Variants in KIAA0232 observed in about 807,000 individuals in gnomAD.
The protein encoded by KIAA0232 is KIAA0232.
KIAA0232 carries 27 observed loss-of-function variants against 122.0 expected under a neutral mutation model. The observed-to-expected ratio is 0.22, with a 90% confidence interval of 0.16 to 0.31. The LOEUF (loss-of-function observed/expected upper bound fraction) is 0.31. KIAA0232 is among the 10% of genes least tolerant of loss of function. The pLI is 1.00. For synonymous variants in KIAA0232, 613 were observed against 587.6 expected, an observed-to-expected ratio of 1.04 and a Z score of -0.63; for missense variants, 1,551 against 1,634.2, an observed-to-expected ratio of 0.95 and a Z score of 0.88.
rs1560216786 is a variant in KIAA0232 at position 6,880,800 on chromosome 4, A to C, written c.4022A>C (p.Tyr1341Ser). 6 of 1,547,294 alleles carry C rather than the reference A, an allele frequency of 3.9e-6. No homozygotes were observed. Among genetic ancestry groups the C allele is most frequent in the Non-Finnish European group, 5.2e-6 (6 of 1,144,484 alleles). Reference sequence around the variant, plus strand: ...TTTTAATCTTAGGTGTCTTCTGTTTATGAAGCAAGATGTACAGGAGAGAGA... The same window carrying C: ...TTTTAATCTTAGGTGTCTTCTGTTTCTGAAGCAAGATGTACAGGAGAGAGA... The part of the protein sequence containing the change: ...LLDFNRVSSV[Y>S]EARCTGERDS... Residue 1341 changes from tyrosine to serine, a missense_variant, in exon 10 of 10, where the codon TAT becomes TCT. This residue lies in a region of KIAA0232 where 1,108 missense variants were observed against 1,154.8 expected (regional missense o/e 0.96). Coordinates refer to ENST00000307659, the MANE Select transcript of KIAA0232 (RefSeq NM_014743.3).
intron 9 of KIAA0232, among the ~76,000 whole-genome samples, chr4:6,878,989 T>C (rs997278236): frequency 1.3e-5 from 2 of 152,090 alleles, no homozygotes; most frequent in African/African-American, 4.8e-5. Flanking sequence ...CTGAGACATA[T>C]TCCCCAGTCC....
chr4:6,792,086 G>A (rs767787077), intron 1 of KIAA0232, among the ~76,000 whole-genome samples: 1 of 152,202 alleles, frequency 6.6e-6, no homozygotes, highest in African/African-American at 2.4e-5. Flanking sequence ...CTGCAGCCAC[G>A]TGGAACTGTA....
intron 4 of KIAA0232, among the ~76,000 whole-genome samples, chr4:6,853,222 G>A (rs1237317439): frequency 6.6e-6 from 1 of 152,176 alleles, no homozygotes; most frequent in Admixed American, 6.5e-5. Flanking sequence ...AGAAACATTT[G>A]AGGGATGAGA....
chr4:6,843,623 A>G (rs1369562805), intron 4 of KIAA0232, among the ~76,000 whole-genome samples: 1 of 152,126 alleles, frequency 6.6e-6, no homozygotes, highest in Non-Finnish European at 1.5e-5. Flanking sequence ...TACAGAAATT[A>G]GCTGGGCATG....
intron 2 of KIAA0232, among the ~76,000 whole-genome samples, chr4:6,816,543 A>G (rs2108999009): frequency 6.6e-6 from 1 of 152,146 alleles, no homozygotes; most frequent in African/African-American, 2.4e-5. Flanking sequence ...CGGCCTCCCA[A>G]AGTGCTGGGA....
Position 6,816,074 on chromosome 4 carries a change from A to G in KIAA0232, c.-269-8111A>G, listed in dbSNP as rs572462143. ...GTGAATCCAATCTTTCATGGTGTCA[A>G]TTTTTAAGGCCTTTGAGTTGTACAG... is the stretch of plus-strand genomic sequence containing the variant. On this transcript the variant is annotated intron_variant, in intron 2 of 9. Coordinates refer to ENST00000307659, the MANE Select transcript of KIAA0232 (RefSeq NM_014743.3). Among the ~76,000 whole-genome samples, 65 of 152,272 alleles carry G rather than the reference A, an allele frequency of 4.3e-4. 1 individual carries two copies. The South Asian group carries it at 0.011, about 25-fold the overall frequency.
At chr4:6,858,936 C>A (rs1036284122) in intron 6 of KIAA0232, among the ~76,000 whole-genome samples, 71 of 151,674 alleles carry the variant, frequency 4.7e-4, no homozygotes, top group Non-Finnish European at 3.8e-4. Context: ...ATGGTGAAAC[C>A]CAGTCTCAAA....
At chr4:6,842,858 A>G (rs1024794864) in intron 4 of KIAA0232, among the ~76,000 whole-genome samples, 1 of 151,968 alleles carries the variant, frequency 6.6e-6, no homozygotes, top group Non-Finnish European at 1.5e-5. Context: ...CAAAGTGCTG[A>G]GATTATAGGC....
intron 3 of KIAA0232, 41 bp from the exon 4 acceptor site, chr4:6,842,026 A>G: frequency 1.2e-6 from 2 of 1,610,982 alleles, no homozygotes; most frequent in Non-Finnish European, 8.5e-7. Context: ...GTAGTGTCCA[A>G]GTTAGCCCTG....
At chr4:6,789,767 C>T (rs1462163793) in intron 1 of KIAA0232, among the ~76,000 whole-genome samples, 1 of 152,126 alleles carries the variant, frequency 6.6e-6, no homozygotes, top group African/African-American at 2.4e-5. Flanking sequence ...GCTGGCTTGC[C>T]TATAATTCCA....
intron 3 of KIAA0232, among the ~76,000 whole-genome samples, chr4:6,836,701 CG>C (rs993024557): frequency 1.6e-4 from 25 of 151,848 alleles, no homozygotes; most frequent in Non-Finnish European, 2.9e-4. Context: ...TGCCGCCTTC[CG>C]CAGTGTTTGT....
rs548532050 is a variant in KIAA0232, at chr4:6,882,119, G to C, written c.*1153G>C. The C allele has an allele frequency of 6.6e-6, 1 of 152,454 alleles. No homozygotes were observed. Among genetic ancestry groups the C allele is most frequent in the African/African-American group, 2.4e-5 (1 of 41,448 alleles). 9.4% of individuals were successfully genotyped at this position (152,454 alleles called of 1,614,324 possible). On this transcript the variant is annotated 3_prime_UTR_variant, in exon 10 of 10. Transcript: ENST00000307659. ...GGAGCCGGCGCATCTTGTGAGTCGC[G>C]TCTGTGCATGGCGATCCGCTCCTCC...
rs767823196 is a variant in KIAA0232 at position 6,864,049 on chromosome 4, T to G, written c.3667T>G (p.Leu1223Val). 3.1e-6 allele frequency: 5 copies of G among 1,613,972 alleles called. No homozygotes were observed. The South Asian group carries it at 5.5e-5, about 18-fold the overall frequency. The change falls in exon 7 of 10, where the codon TTA (leucine) becomes GTA (valine). Residue 1223 changes from leucine (L) to valine (V), a missense_variant. Physicochemically the swap from Leu to Val is conservative, Grantham distance 32 (BLOSUM62 1). Transcript: ENST00000307659. Reference sequence around the variant, plus strand: ...CATGAATGAATCCCTGGAAATAGATTTAGAAAGCTCAGAAGCAAATTGTAA... The same window carrying G: ...CATGAATGAATCCCTGGAAATAGATGTAGAAAGCTCAGAAGCAAATTGTAA... ...CSMNESLEID[L>V]ESSEANCKIM...
chr4:6,823,424 C>T (rs1282726970), intron 2 of KIAA0232, among the ~76,000 whole-genome samples: 2 of 152,254 alleles, frequency 1.3e-5, no homozygotes, highest in Non-Finnish European at 1.5e-5. Context: ...TATTTCTCCA[C>T]ATCCTCTCCA....
rs570849558 is a variant in KIAA0232 at position 6,855,349 on chromosome 4, A to G, written c.370-1815A>G. On this transcript the variant is annotated intron_variant, in intron 4 of 9. Transcript: ENST00000307659. This position sits in a 1 kb window ranked among gnomAD's most constrained non-coding sequence, Gnocchi z 4.3. ...GTGATCCACCCACCTTGGCCTCCCA[A>G]AGTGCTGGGATTACAGGTGTGAGCC... Among the ~76,000 whole-genome samples the G allele has an allele frequency of 1.3e-5, 2 of 152,154 alleles. No homozygotes were observed. Among genetic ancestry groups the G allele is most frequent in the South Asian group, 4.1e-4 (2 of 4,826 alleles).
Position 6,863,810 on chromosome 4 carries a change from T to A in KIAA0232, c.3428T>A (p.Ile1143Lys), listed in dbSNP as rs1401072742. Reference protein sequence around the residue: ...ANIPIPSQVDIFEDPQADLKP... With the variant: ...ANIPIPSQVDKFEDPQADLKP... ...ATTCCCATTCCTTCTCAAGTTGATA[T>A]ATTTGAAGATCCGCAGGCAGATCTC... is the stretch of plus-strand genomic sequence containing the variant. Residue 1143 changes from isoleucine (I) to lysine (K), a missense_variant, in exon 7 of 10, where the codon ATA becomes AAA. Coordinates refer to ENST00000307659, the MANE Select transcript of KIAA0232 (RefSeq NM_014743.3). 1.9e-6 allele frequency: 3 copies of A among 1,614,174 alleles called. No individual in the cohort carries two copies. Among genetic ancestry groups the A allele is most frequent in the Non-Finnish European group, 2.5e-6 (3 of 1,180,018 alleles).
chr4:6,788,296 G>A (rs1009986362), intron 1 of KIAA0232, among the ~76,000 whole-genome samples: 1 of 152,144 alleles, frequency 6.6e-6, no homozygotes, highest in African/African-American at 2.4e-5. Flanking sequence ...GAGATTATAA[G>A]CACGAGCCAC....
At chr4:6,798,563 T>A (rs1717236827) in intron 1 of KIAA0232, among the ~76,000 whole-genome samples, 1 of 152,214 alleles carries the variant, frequency 6.6e-6, no homozygotes, top group African/African-American at 2.4e-5. Flanking sequence ...AGTTACATGC[T>A]TTATTTTTGA....
chr4:6,852,885 A>G (rs554955971), intron 4 of KIAA0232, among the ~76,000 whole-genome samples: 78 of 152,330 alleles, frequency 5.1e-4, no homozygotes, highest in African/African-American at 1.8e-3. Context: ...CCAGGAGGGC[A>G]TCTGTCACAC....
Sources: allele counts gnomAD v4.1 joint callset (sites outside exome capture counted in the v4.1 genomes callset), GRCh38; gene constraint gnomAD v4.1.1; regional missense constraint gnomAD v4.1.1; non-coding constraint Gnocchi (gnomAD v3.1); transcripts MANE v1.5; gene names NCBI Gene and HGNC (gene_info 2026-07-23, HGNC 2026-07-21).